HECW1: variants seen among roughly 807,000 people sequenced by gnomAD.
HECW1 encodes E3 ubiquitin-protein ligase HECW1.
HECW1 carries 61 observed loss-of-function variants against 182.3 expected under a neutral mutation model. The ratio of observed to expected loss-of-function variants is 0.33; its 90% confidence interval spans 0.27 to 0.41. The LOEUF (loss-of-function observed/expected upper bound fraction) is 0.41, where lower values mean the gene tolerates loss of function less well. Among genes scored for constraint, HECW1 ranks in the 10% least tolerant of loss-of-function variants. The pLI is 1.00. For missense variants in HECW1, 1,739 were observed against 2,108.9 expected, an observed-to-expected ratio of 0.82 and a Z score of 3.44; for synonymous variants, 859 against 832.6, an observed-to-expected ratio of 1.03 and a Z score of -0.55.
chr7:43,451,540 C>A (rs2077236105), intron 12 of HECW1, among the ~76,000 whole-genome samples: 1 of 152,144 alleles, frequency 6.6e-6, no homozygotes, highest in Non-Finnish European at 1.5e-5. Flanking sequence ...GTCATCTGAA[C>A]TTGGGAAATT....
intron 24 of HECW1, among the ~76,000 whole-genome samples, chr7:43,534,072 A>G (rs1233149850): frequency 6.6e-6 from 1 of 152,208 alleles, no homozygotes; most frequent in East Asian, 1.9e-4. Context: ...GCCTTTTCAG[A>G]CTTGGCATAT....
At chr7:43,486,462 C>T (rs1289822408) in intron 17 of HECW1, among the ~76,000 whole-genome samples, 9 of 152,124 alleles carry the variant, frequency 5.9e-5, no homozygotes, top group Non-Finnish European at 5.9e-5. Flanking sequence ...CCCCTACACC[C>T]GGCTAATTTT....
At chr7:43,363,681 T>C (rs1816252605) in intron 6 of HECW1, among the ~76,000 whole-genome samples, 1 of 152,148 alleles carries the variant, frequency 6.6e-6, no homozygotes, top group Non-Finnish European at 1.5e-5. Context: ...CAGGACTGTA[T>C]TTTCACGGGC....
rs754467139 is a variant in HECW1, at chr7:43,562,773, C to T, written c.*847C>T. 2.8e-5 allele frequency: 6 copies of T among 217,310 alleles called. No individual in the cohort carries two copies. The highest frequency in any genetic ancestry group is 4.6e-5 in the Non-Finnish European group (5 of 107,936). The allele number at this position is 217,310 out of a possible 1,614,324, so 13.5% of individuals were successfully genotyped here. A position where few individuals can be genotyped will look rare whatever the true frequency, so the allele number is the denominator to read the frequency against. On this transcript the variant is annotated 3_prime_UTR_variant, in exon 30 of 30. Transcript: ENST00000395891. ...GTAGCATGAAGGATGAGGCTTCAGC[C>T]CCCATTGTCTTATGTAGAATGTGGC...
chr7:43,551,971 AC>A (rs71011926), intron 27 of HECW1, among the ~76,000 whole-genome samples: 72,586 of 151,588 alleles, frequency 0.48, 18,149 homozygotes, highest in Non-Finnish European at 0.56. Context: ...ATATCTAAGC[AC>A]CCCCCCAAAG....
chr7:43,261,825 C>T (rs1317952992), intron 3 of HECW1, among the ~76,000 whole-genome samples: 2 of 152,146 alleles, frequency 1.3e-5, no homozygotes, highest in African/African-American at 2.4e-5. Flanking sequence ...AAAAGAGTAA[C>T]TGGCAGGTTT....
At chr7:43,157,499 G>A (rs527942591) in intron 2 of HECW1, among the ~76,000 whole-genome samples, 28 of 152,288 alleles carry the variant, frequency 1.8e-4, no homozygotes, top group African/African-American at 6.7e-4. Flanking sequence ...ATTACTGTGT[G>A]AAATTATGCA....
At chr7:43,269,191 C>A (rs7809096) in intron 3 of HECW1, among the ~76,000 whole-genome samples, 1 of 152,202 alleles carries the variant, frequency 6.6e-6, no homozygotes, top group Non-Finnish European at 1.5e-5. Context: ...TTCAGTTTGC[C>A]TGCCATTCAT....
At chr7:43,173,477 G>T (rs1450633658) in intron 2 of HECW1, among the ~76,000 whole-genome samples, 1 of 152,134 alleles carries the variant, frequency 6.6e-6, no homozygotes, top group Non-Finnish European at 1.5e-5. Flanking sequence ...GGGCACCAGG[G>T]ACTGGTCTCA....
rs1381622170 is a variant in HECW1, at chr7:43,223,085, C to A, written c.-31-20790C>A. Among the ~76,000 whole-genome samples the A allele has an allele frequency of 2.0e-5, 3 of 152,180 alleles. No homozygotes were observed. The East Asian group carries it at 5.8e-4, about 29-fold the overall frequency. On this transcript the variant is annotated intron_variant, in intron 2 of 29. Transcript: ENST00000395891. ...CATCTTAGTTCGTGGCCAATCTATTCTTCCAGTTCACTCAGGTTAAAAAAT... is the reference window on the plus strand; with the variant it reads ...CATCTTAGTTCGTGGCCAATCTATTATTCCAGTTCACTCAGGTTAAAAAAT...
At chr7:43,171,158 G>GA (rs1791648860) in intron 2 of HECW1, among the ~76,000 whole-genome samples, 1 of 152,138 alleles carries the variant, frequency 6.6e-6, no homozygotes, top group African/African-American at 2.4e-5. Context: ...TGTGAGTTTA[G>GA]AAAAAGTAAA....
chr7:43,446,822 C>A (rs1335214966), intron 11 of HECW1, among the ~76,000 whole-genome samples: 1 of 152,104 alleles, frequency 6.6e-6, no homozygotes, highest in South Asian at 2.1e-4. Flanking sequence ...CCACAAGGAG[C>A]GGGATGGAAA....
At chr7:43,462,314 C>T (rs10276805) in intron 13 of HECW1, among the ~76,000 whole-genome samples, 4,083 of 152,130 alleles carry the variant, frequency 0.027, 85 homozygotes, top group East Asian at 0.094. Flanking sequence ...CTCCCAGCTC[C>T]TCTCCTCCAG....
Position 43,479,675 on chromosome 7 carries a change from C to A in HECW1, c.3165C>A (p.Asn1055Lys), listed in dbSNP as rs370199372. The change falls in exon 17 of 30, where the codon AAC (asparagine) becomes AAA (lysine). Residue 1055 changes from asparagine (N) to lysine (K), a missense_variant. By Grantham distance (94) the Asn-to-Lys change is moderately conservative. Transcript: ENST00000395891. ...TTGACCCCCGAATCCCTCTTCAGAA[C>A]GGTCGTCTTCCCAATCATCTAACTC... The part of the protein sequence containing the change: ...TFIDPRIPLQ[N>K]GRLPNHLTHR... 1.1e-5 allele frequency: 18 copies of A among 1,613,972 alleles called. 1 individual carries two copies. Among genetic ancestry groups the A allele is most frequent in the Non-Finnish European group, 1.5e-5 (18 of 1,180,004 alleles).
chr7:43,446,387 C>G (rs1034133191), intron 11 of HECW1, among the ~76,000 whole-genome samples: 1 of 152,076 alleles, frequency 6.6e-6, no homozygotes, highest in African/African-American at 2.4e-5. Context: ...GTCTTCCAGT[C>G]AAGTGACAGT....
intron 13 of HECW1, among the ~76,000 whole-genome samples, chr7:43,462,464 C>CT (rs557441802): frequency 2.2e-3 from 340 of 151,940 alleles, no homozygotes; most frequent in Non-Finnish European, 2.9e-3. Flanking sequence ...TCAGGATCAC[C>CT]TGGGAACTCA....
At chr7:43,282,615 A>AATT (rs1269173139) in intron 3 of HECW1, among the ~76,000 whole-genome samples, 6 of 152,244 alleles carry the variant, frequency 3.9e-5, no homozygotes, top group Admixed American at 3.3e-4. Context: ...ATATCATTAA[A>AATT]TATATCTTTT....
chr7:43,513,499 G>A (rs2152931837), intron 24 of HECW1, among the ~76,000 whole-genome samples: 1 of 152,312 alleles, frequency 6.6e-6, no homozygotes, highest in East Asian at 1.9e-4. Flanking sequence ...CTCCCTGTGT[G>A]TGGGCTTTGT....
intron 3 of HECW1, among the ~76,000 whole-genome samples, chr7:43,291,316 G>T (rs1017000948): frequency 6.6e-6 from 1 of 152,206 alleles, no homozygotes; most frequent in Non-Finnish European, 1.5e-5. Context: ...GCTGGAGCTA[G>T]ACTTCACAAT....
Sources: allele counts gnomAD v4.1 joint callset (sites outside exome capture counted in the v4.1 genomes callset), GRCh38; gene constraint gnomAD v4.1.1; transcripts MANE v1.5; gene names NCBI Gene and HGNC (gene_info 2026-07-23, HGNC 2026-07-21).